Variants in KCNN3 observed in about 807,000 individuals in gnomAD.
KCNN3 encodes potassium calcium-activated channel subfamily N member 3, also known as small conductance calcium-activated potassium channel protein 3.
In KCNN3, 16 loss-of-function variants were observed where a neutral mutation model predicts 62.9. The observed-to-expected ratio is 0.25, with a 90% CI of 0.17 to 0.39. The LOEUF is 0.39. Ranked by LOEUF, KCNN3 falls within the 10% of genes least tolerant of loss-of-function variation. The pLI is 1.00. For synonymous variants in KCNN3, 370 were observed against 389.2 expected, an observed-to-expected ratio of 0.95 and a Z score of 0.58; for missense variants, 599 against 949.4, an observed-to-expected ratio of 0.63 and a Z score of 4.85.
At chr1:154,847,209 C>A (rs372223310) in intron 1 of KCNN3, among the ~76,000 whole-genome samples, 387 of 151,994 alleles carry the variant, frequency 2.5e-3, no homozygotes, top group Middle Eastern at 0.024. Context: ...TCACTACCCC[C>A]CCCTGCCCTC....
chr1:154,800,298 A>C (rs1044382085), intron 2 of KCNN3, among the ~76,000 whole-genome samples: 1 of 152,126 alleles, frequency 6.6e-6, no homozygotes, highest in South Asian at 2.1e-4. Context: ...TCACCCATCC[A>C]TTCTATCGCA....
chr1:154,814,449 G>A (rs1041494923), intron 2 of KCNN3, among the ~76,000 whole-genome samples: 16 of 151,882 alleles, frequency 1.1e-4, no homozygotes, highest in African/African-American at 3.9e-4. Context: ...GACACGCAGG[G>A]ACAAGTAAGA....
chr1:154,799,849 C>T (rs1649885898), intron 2 of KCNN3, among the ~76,000 whole-genome samples: 2 of 152,196 alleles, frequency 1.3e-5, no homozygotes, highest in African/African-American at 4.8e-5. Flanking sequence ...AGTTCTGTAG[C>T]TGAGCATGAA....
In KCNN3 at chr1:154,805,856, T is replaced by C. The variant is rs186291374; in HGVS notation, c.1029+16233A>G. Among the ~76,000 whole-genome samples the C allele has an allele frequency of 3.9e-5, 6 of 152,278 alleles. No individual in the cohort carries two copies. In the East Asian group the frequency reaches 5.8e-4, roughly 15 times the overall value. On this transcript the variant is annotated intron_variant, in intron 2 of 7. Transcript: ENST00000271915. Reference sequence around the variant, plus strand: ...TCCAAATCACCAGAACCTGTGACTATGTTATAAGCAGGAATTAAGGATGCA... The same window carrying C: ...TCCAAATCACCAGAACCTGTGACTACGTTATAAGCAGGAATTAAGGATGCA...
intron 2 of KCNN3, among the ~76,000 whole-genome samples, chr1:154,807,236 G>A (rs769825831): frequency 4.2e-4 from 64 of 152,242 alleles, no homozygotes; most frequent in African/African-American, 1.1e-3. Context: ...GAAGCTGAGC[G>A]CAGGGTCAAA....
chr1:154,742,904 T>C (rs1328440115), intron 3 of KCNN3, among the ~76,000 whole-genome samples: 1 of 152,198 alleles, frequency 6.6e-6, no homozygotes, highest in Non-Finnish European at 1.5e-5. Context: ...AGGCAGCAGA[T>C]GCTGCTGTGT....
intron 2 of KCNN3, among the ~76,000 whole-genome samples, chr1:154,778,442 T>C (rs545056218): frequency 2.6e-5 from 4 of 152,236 alleles, no homozygotes; most frequent in Admixed American, 1.3e-4. Context: ...TTGGGTTACA[T>C]AGGGCTTCAG....
At chr1:154,856,418 C>T (rs1257634381) in intron 1 of KCNN3, among the ~76,000 whole-genome samples, 9 of 152,224 alleles carry the variant, frequency 5.9e-5, no homozygotes, top group African/African-American at 2.2e-4. Context: ...GCTGGAATAG[C>T]GTAGCTTTCT....
At chr1:154,797,249 C>T (rs1649772515) in intron 2 of KCNN3, among the ~76,000 whole-genome samples, 1 of 152,102 alleles carries the variant, frequency 6.6e-6, no homozygotes, top group African/African-American at 2.4e-5. Flanking sequence ...AGTAGGTTGT[C>T]CTAATTTCTG....
chr1:154,859,785 C>T, intron 1 of KCNN3: 1 of 1,614,100 alleles, frequency 6.2e-7, no homozygotes, highest in East Asian at 2.2e-5. Context: ...TCAGCAAGCT[C>T]TAAGGAGTAG....
At chr1:154,715,714 G>C (rs1242269936) in intron 5 of KCNN3, among the ~76,000 whole-genome samples, 2 of 151,890 alleles carry the variant, frequency 1.3e-5, no homozygotes, top group South Asian at 2.1e-4. Context: ...CTTGAGTCCC[G>C]GGGTCCCCTT....
chr1:154,738,009 C>G (rs1184319038), intron 3 of KCNN3, among the ~76,000 whole-genome samples: 1 of 152,036 alleles, frequency 6.6e-6, no homozygotes, highest in Non-Finnish European at 1.5e-5. Flanking sequence ...CAGAAAGAAA[C>G]AACTGGGGGG....
Position 154,869,509 on chromosome 1 carries a change from G to A in KCNN3, c.456C>T (p.Gly152=). 1.2e-6 allele frequency: 2 copies of A among 1,614,080 alleles called. No individual in the cohort carries two copies. Among genetic ancestry groups the A allele is most frequent in the Non-Finnish European group, 1.7e-6 (2 of 1,180,002 alleles). ...SSTATSGPGG[G]SRHRQASPLV... ...GGGGGCTGGCCTGTCGGTGCCGGCT[G>A]CCTCCGCCAGGCCCACTTGTAGCTG... The change falls in exon 1 of 8, where the codon GGC becomes GGT. Residue 152 remains glycine (G), a synonymous_variant. Coordinates refer to ENST00000271915, the MANE Select transcript of KCNN3 (RefSeq NM_002249.6). This position sits in a 1 kb window ranked among gnomAD's most constrained non-coding sequence, Gnocchi z 6.1.
intron 2 of KCNN3, among the ~76,000 whole-genome samples, chr1:154,786,571 C>CT (rs1055610550): frequency 9.9e-5 from 15 of 152,226 alleles, no homozygotes; most frequent in African/African-American, 3.6e-4. Context: ...TGTGATTCCT[C>CT]TTTTTTAAAA....
Position 154,772,522 on chromosome 1 carries a change from C to A in KCNN3, c.1030-129G>T, listed in dbSNP as rs1648608008. ...GTCAGCCTGACCACCTCAGCATGCTCTTTAGGGGCCTTGCTATGTGGCAAG... is the reference window on the plus strand; with the variant it reads ...GTCAGCCTGACCACCTCAGCATGCTATTTAGGGGCCTTGCTATGTGGCAAG... On this transcript the variant is annotated intron_variant, in intron 2 of 7. Transcript: ENST00000271915. This position sits in a 1 kb window ranked among gnomAD's most constrained non-coding sequence, Gnocchi z 5.6. 2 of 818,212 alleles carry A rather than the reference C, an allele frequency of 2.4e-6. No homozygotes were observed. The highest frequency in any genetic ancestry group is 4.1e-5 in the Admixed American group (2 of 48,462). The allele number at this position is 818,212 out of a possible 1,614,324, so 50.7% of individuals were successfully genotyped here. A position where few individuals can be genotyped will look rare whatever the true frequency, so the allele number is the denominator to read the frequency against.
chr1:154,729,456 G>T lies in KCNN3; in HGVS notation c.1591-3430C>A, dbSNP rs572909434. On this transcript the variant is annotated intron_variant, in intron 4 of 7. Coordinates refer to ENST00000271915, the MANE Select transcript of KCNN3 (RefSeq NM_002249.6). Reference sequence around the variant, plus strand: ...CGGGGTGAACACGCCTAACTCTAGAGATTCGGACCCAAATCTGGACCGAGA... The same window carrying T: ...CGGGGTGAACACGCCTAACTCTAGATATTCGGACCCAAATCTGGACCGAGA... Among the ~76,000 whole-genome samples, 14 of 152,190 alleles carry T rather than the reference G, an allele frequency of 9.2e-5. No homozygotes were observed. In the South Asian group the frequency reaches 1.0e-3, roughly 11 times the overall value.
At position 154,790,182 on chromosome 1, in the gene KCNN3, C is replaced by T. The variant is rs371464596; in HGVS notation, c.1030-17789G>A. On this transcript the variant is annotated intron_variant, in intron 2 of 7. Transcript: ENST00000271915. ...CTGATCTCAGGTGATCTGCCCGCCT[C>T]GGCCTCCCAAAGTGCTGGGATTACA... Among the ~76,000 whole-genome samples the T allele has an allele frequency of 6.2e-4, 95 of 152,294 alleles. 1 individual carries two copies. The South Asian group carries it at 7.3e-3, about 12-fold the overall frequency.
intron 2 of KCNN3, among the ~76,000 whole-genome samples, chr1:154,775,991 C>A (rs1217201290): frequency 7.0e-6 from 1 of 141,982 alleles, no homozygotes; most frequent in Non-Finnish European, 1.5e-5. Flanking sequence ...CCTTTGATTG[C>A]CTGATGAGGA....
intron 3 of KCNN3, among the ~76,000 whole-genome samples, chr1:154,762,052 T>C (rs1024385513): frequency 6.6e-6 from 1 of 152,252 alleles, no homozygotes; most frequent in African/African-American, 2.4e-5. Context: ...GGATGTGCCA[T>C]ACTTGTTTAG....
Sources: gnomAD v4.1 joint callset for allele counts (sites outside exome capture counted in the v4.1 genomes callset) on GRCh38, gnomAD v4.1.1 for gene constraint, Gnocchi (gnomAD v3.1) non-coding constraint, MANE v1.5 for transcripts, NCBI Gene and HGNC (gene_info 2026-07-23, HGNC 2026-07-21) for gene names.